Variants in PHGDH observed in about 807,000 individuals in gnomAD.
PHGDH encodes the protein phosphoglycerate dehydrogenase.
PHGDH carries 50 observed loss-of-function variants against 52.6 expected under a neutral mutation model. The observed-to-expected ratio is 0.95, with a 90% CI of 0.76 to 1.20. PHGDH has a LOEUF of 1.20. Ranked by LOEUF, PHGDH falls within the 50% of genes most tolerant of loss-of-function variation. The pLI is 0.00. For synonymous variants in PHGDH, 271 were observed against 280.5 expected, an observed-to-expected ratio of 0.97 and a Z score of 0.34; for missense variants, 630 against 684.6, an observed-to-expected ratio of 0.92 and a Z score of 0.89.
rs754365384 is a variant in PHGDH at position 119,726,869 on chromosome 1, G to C, written c.375G>C (p.Thr125=). 3 of 1,614,186 alleles carry C rather than the reference G, an allele frequency of 1.9e-6. No homozygotes were observed. The highest frequency in any genetic ancestry group is 2.5e-6 in the Non-Finnish European group (3 of 1,180,022). The change falls in exon 4 of 12, where the codon ACG becomes ACC. Residue 125 remains threonine (T), a synonymous_variant. Transcript: ENST00000641023. ...CTTGCAGGCAGATTCCCCAGGCGAC[G>C]GCTTCGATGAAGGACGGCAAATGGG... ...MCLARQIPQA[T]ASMKDGKWER...
intron 5 of PHGDH, among the ~76,000 whole-genome samples, chr1:119,728,122 G>C (rs780682211): frequency 2.0e-5 from 3 of 152,300 alleles, no homozygotes; most frequent in African/African-American, 7.2e-5. Flanking sequence ...TGCACAGGCT[G>C]TCTAGATGGG....
At chr1:119,737,611 C>T (rs1020487780) in intron 8 of PHGDH, among the ~76,000 whole-genome samples, 12 of 152,224 alleles carry the variant, frequency 7.9e-5, no homozygotes, top group East Asian at 7.7e-4. Context: ...GCCAGCTGGA[C>T]GCAGCCGCAG....
At position 119,742,984 on chromosome 1, in the gene PHGDH, C is replaced by G; in HGVS notation, c.1387C>G (p.Leu463Val). 1 of 1,613,982 alleles carries G rather than the reference C, an allele frequency of 6.2e-7. No individual in the cohort carries two copies. Among genetic ancestry groups the G allele is most frequent in the Non-Finnish European group, 8.5e-7 (1 of 1,179,766 alleles). Residue 463 changes from leucine (L) to valine (V), a missense_variant, in exon 11 of 12, where the codon CTG (leucine) becomes GTG (valine). Coordinates refer to ENST00000641023, the MANE Select transcript of PHGDH (RefSeq NM_006623.4). ...GCCAGAAGTGCCTCTCCGCAGGGAC[C>G]TGCCCCTGCTCCTATTCCGGACTCA... ...FRPEVPLRRDLPLLLFRTQTS... is the reference protein window; with the variant it reads ...FRPEVPLRRDVPLLLFRTQTS...
At chr1:119,724,175 G>A (rs1651294181) in intron 3 of PHGDH, 1 of 157,796 alleles carries the variant, frequency 6.3e-6, no homozygotes, top group Non-Finnish European at 1.4e-5. Flanking sequence ...TGTTGAACAG[G>A]CAATTCAAGC....
intron 5 of PHGDH, chr1:119,734,250 C>A: frequency 3.0e-6 from 1 of 336,496 alleles, no homozygotes; most frequent in Non-Finnish European, 5.8e-6. Flanking sequence ...CAAGCTCCAC[C>A]TTGTCCAGAC....
intron 8 of PHGDH, among the ~76,000 whole-genome samples, chr1:119,739,138 C>T (rs1400148791): frequency 6.6e-6 from 1 of 152,216 alleles, no homozygotes; most frequent in Non-Finnish European, 1.5e-5. Flanking sequence ...CTGACTCCTC[C>T]CTGGAATTCT....
intron 5 of PHGDH, among the ~76,000 whole-genome samples, chr1:119,733,913 C>T (rs1174374013): frequency 6.6e-6 from 1 of 152,126 alleles, no homozygotes; most frequent in Non-Finnish European, 1.5e-5. Flanking sequence ...CAATCATCTG[C>T]CCAGCTCCTT....
chr1:119,713,340 C>T (rs1331671108), intron 1 of PHGDH: 2 of 152,486 alleles, frequency 1.3e-5, no homozygotes, highest in Non-Finnish European at 2.9e-5. Flanking sequence ...AACTGCCTCG[C>T]TCACTTTGTC....
At position 119,737,267 on chromosome 1, in the gene PHGDH, G is replaced by C; in HGVS notation, c.945+1G>C. On this transcript the variant is annotated splice_donor_variant, in intron 8 of 11. Coordinates refer to ENST00000641023, the MANE Select transcript of PHGDH (RefSeq NM_006623.4). LOFTEE classifies it high-confidence loss of function. Reference sequence around the variant, plus strand: ...GAAGGGGAAATCTCTCACGGGGGTTGTAAGTATCACCACCTGGGGCTGGGG... The same window carrying C: ...GAAGGGGAAATCTCTCACGGGGGTTCTAAGTATCACCACCTGGGGCTGGGG... 1 of 1,612,266 alleles carries C rather than the reference G, an allele frequency of 6.2e-7. No individual in the cohort carries two copies. Among genetic ancestry groups the C allele is most frequent in the South Asian group, 1.1e-5 (1 of 91,058 alleles).
rs766914791 is a variant in PHGDH at position 119,727,120 on chromosome 1, C to T, written c.510+18C>T. 8 of 1,448,268 alleles carry T rather than the reference C, an allele frequency of 5.5e-6. No homozygotes were observed. The East Asian group carries it at 1.4e-4, about 25-fold the overall frequency. The allele number at this position is 1,448,268 out of a possible 1,614,324, so 89.7% of individuals were successfully genotyped here. A position where few individuals can be genotyped will look rare whatever the true frequency, so the allele number is the denominator to read the frequency against. On this transcript the variant is annotated intron_variant, in intron 5 of 11. Transcript: ENST00000641023. ...GGATGAAGGTAAGATGTTGCTGGAA[C>T]CCTGTGATGTGGGACTTTCTGCAGC...
At chr1:119,723,337 T>C (rs1651259638) in intron 2 of PHGDH, 39 bp from the exon 3 acceptor site, 2 of 1,494,024 alleles carry the variant, frequency 1.3e-6, no homozygotes, top group Non-Finnish European at 1.9e-6. Flanking sequence ...GAATACTGGG[T>C]CTGTGCCCAT....
chr1:119,713,672 G>T (rs1269991742), intron 1 of PHGDH, among the ~76,000 whole-genome samples: 1 of 152,170 alleles, frequency 6.6e-6, no homozygotes, highest in Non-Finnish European at 1.5e-5. Flanking sequence ...CCTCACATCT[G>T]TCACCTCCTT....
intron 11 of PHGDH, 78 bp from the exon 12 acceptor site, chr1:119,743,808 A>C (rs1652319088): frequency 7.2e-6 from 8 of 1,115,816 alleles, no homozygotes; most frequent in Non-Finnish European, 1.1e-5. Context: ...AAAGCTTTGA[A>C]CTTCTGATTC....
intron 5 of PHGDH, among the ~76,000 whole-genome samples, chr1:119,731,412 G>A (rs1216473428): frequency 6.6e-6 from 1 of 152,194 alleles, no homozygotes; most frequent in Non-Finnish European, 1.5e-5. Flanking sequence ...ATCAAGAAGC[G>A]AGCCTTGTGC....
chr1:119,739,151 C>T (rs1423095206), intron 8 of PHGDH, among the ~76,000 whole-genome samples: 2 of 152,220 alleles, frequency 1.3e-5, no homozygotes, highest in African/African-American at 2.4e-5. Flanking sequence ...GGAATTCTCC[C>T]ACCTGTCCAC....
chr1:119,721,328 C>T lies in PHGDH; in HGVS notation c.290+7C>T, dbSNP rs777666776. ...AGGGCATCTTGGTTATGAAGTAAGT[C>T]ATGGAGGCTGCGGGCGGTTTGGGGG... On this transcript the variant is annotated splice_region_variant and intron_variant, in intron 2 of 11. Transcript: ENST00000641023. 5 of 1,612,346 alleles carry T rather than the reference C, an allele frequency of 3.1e-6. No individual in the cohort carries two copies. Among genetic ancestry groups the T allele is most frequent in the Non-Finnish European group, 3.4e-6 (4 of 1,178,976 alleles).
chr1:119,743,057 C>T lies in PHGDH; in HGVS notation c.1447+13C>T, dbSNP rs143612626. 5 of 1,542,534 alleles carry T rather than the reference C, an allele frequency of 3.2e-6. No homozygotes were observed. Among genetic ancestry groups the T allele is most frequent in the Non-Finnish European group, 4.5e-6 (5 of 1,114,570 alleles). On this transcript the variant is annotated intron_variant, in intron 11 of 11. Transcript: ENST00000641023. The stretch of plus-strand genomic sequence containing the variant: ...CCTACCATGATTGGTGAGGAGGGCC[C>T]TGTAGGGCTGGCTGGTGTCCTTGAG...
rs1652216738 is a variant in PHGDH at position 119,741,750 on chromosome 1, C to G, written c.1079-17C>G. 6.2e-7 allele frequency: 1 copy of G among 1,612,580 alleles called. No individual in the cohort carries two copies. Among genetic ancestry groups the G allele is most frequent in the African/African-American group, 1.3e-5 (1 of 74,892 alleles). ...TCAACAAACAGTGACCTCATGGTAG[C>G]TTCTCTCTGTCCCCAGGAACATCCC... On this transcript the variant is annotated splice_polypyrimidine_tract_variant and intron_variant, in intron 9 of 11. Coordinates refer to ENST00000641023, the MANE Select transcript of PHGDH (RefSeq NM_006623.4).
rs756952465 is a variant in PHGDH, at chr1:119,712,131, A to T, written c.109A>T (p.Ser37Cys). The T allele has an allele frequency of 6.2e-7, 1 of 1,614,156 alleles. No individual in the cohort carries two copies. Among genetic ancestry groups the T allele is most frequent in the African/African-American group, 1.3e-5 (1 of 75,070 alleles). ...GLQVVEKQNL[S>C]KEELIAELQD... ...GCAGGTGGTGGAAAAGCAGAACCTT[A>T]GCAAAGAGGAGCTGATAGCGGAGCT... The change falls in exon 1 of 12, where the codon AGC (serine) becomes TGC (cysteine). Residue 37 changes from serine to cysteine, a missense_variant. Coordinates refer to ENST00000641023, the MANE Select transcript of PHGDH (RefSeq NM_006623.4).
Sources: gnomAD v4.1 joint callset for allele counts (sites outside exome capture counted in the v4.1 genomes callset) on GRCh38, gnomAD v4.1.1 for gene constraint, MANE v1.5 for transcripts, NCBI Gene and HGNC (gene_info 2026-07-23, HGNC 2026-07-21) for gene names.